The following TANC2 variants were observed in gnomAD, a reference collection of about 807,000 sequenced individuals.
TANC2 encodes tetratricopeptide repeat, ankyrin repeat and coiled-coil containing 2.
TANC2 carries 26 observed loss-of-function variants against 210.5 expected under a neutral mutation model. That is an observed-to-expected ratio of 0.12 (90% CI 0.09 to 0.17). TANC2 has a LOEUF of 0.17. TANC2 is among the 10% of genes least tolerant of loss of function. The pLI is 1.00. For missense variants in TANC2, 2,129 were observed against 2,608.9 expected (o/e 0.82, Z 4.01); for synonymous variants, 931 against 967.1 (o/e 0.96, Z 0.69).
At chr17:62,992,954 ACT>A (rs2032940746) in intron 1 of TANC2, among the ~76,000 whole-genome samples, 1 of 152,012 alleles carries the variant, frequency 6.6e-6, no homozygotes, top group Non-Finnish European at 1.5e-5. Context: ...CCGTCTGGAG[ACT>A]CTGGGAGAGA....
intron 11 of TANC2, chr17:63,331,854 G>GTC (rs749476420): frequency 2.1e-5 from 3 of 142,090 alleles, no homozygotes; most frequent in South Asian, 1.8e-4. Flanking sequence ...GTGTGTGTGT[G>GTC]TCTGTGTGTG....
At chr17:63,017,060 A>T (rs2034140767) in intron 2 of TANC2, among the ~76,000 whole-genome samples, 1 of 152,170 alleles carries the variant, frequency 6.6e-6, no homozygotes, top group Admixed American at 6.5e-5. Flanking sequence ...TTATGGTTTT[A>T]ACTCTTACAT....
chr17:63,133,212 T>C (rs925400448), intron 4 of TANC2, among the ~76,000 whole-genome samples: 3 of 151,902 alleles, frequency 2.0e-5, no homozygotes, highest in Non-Finnish European at 4.4e-5. Flanking sequence ...GATCTTGTGA[T>C]CCACCCGCCT....
chr17:63,366,198 A>G (rs2047105368), intron 14 of TANC2, among the ~76,000 whole-genome samples: 1 of 152,196 alleles, frequency 6.6e-6, no homozygotes, highest in Non-Finnish European at 1.5e-5. Flanking sequence ...ACCTCCTGCC[A>G]TGCCTCGGGA....
chr17:63,312,749 A>C (rs2045171220), intron 9 of TANC2, among the ~76,000 whole-genome samples: 1 of 152,186 alleles, frequency 6.6e-6, no homozygotes, highest in Non-Finnish European at 1.5e-5. Context: ...AATAAATACA[A>C]GAGTAAATTT....
At chr17:63,109,602 ATAG>A (rs936566192) in intron 4 of TANC2, among the ~76,000 whole-genome samples, 3 of 151,714 alleles carry the variant, frequency 2.0e-5, no homozygotes, top group Non-Finnish European at 4.4e-5. Flanking sequence ...AATTATAATA[ATAG>A]TAGTAGTAAT....
At chr17:63,347,430 T>A (rs948537566) in intron 12 of TANC2, among the ~76,000 whole-genome samples, 2 of 152,226 alleles carry the variant, frequency 1.3e-5, no homozygotes, top group African/African-American at 4.8e-5. Flanking sequence ...TACATATAGC[T>A]GTCAAAACTT....
chr17:62,971,122 A>G (rs1388069799), intron 1 of TANC2, among the ~76,000 whole-genome samples: 2 of 152,140 alleles, frequency 1.3e-5, no homozygotes, highest in Non-Finnish European at 2.9e-5. Context: ...GGTTTCTTTG[A>G]ATAGCGTCTT....
chr17:63,067,498 T>A (rs1432146217), intron 2 of TANC2, among the ~76,000 whole-genome samples: 2 of 151,522 alleles, frequency 1.3e-5, no homozygotes, highest in Non-Finnish European at 2.9e-5. Flanking sequence ...TTATTAAAAA[T>A]AATAATAAAT....
chr17:63,160,647 T>C (rs995085853), intron 5 of TANC2, among the ~76,000 whole-genome samples: 2 of 152,228 alleles, frequency 1.3e-5, no homozygotes, highest in African/African-American at 4.8e-5. Flanking sequence ...ATATCTACCG[T>C]TATTTCCTTA....
intron 4 of TANC2, among the ~76,000 whole-genome samples, chr17:63,123,683 C>CTTTTT (rs957485298): frequency 3.5e-4 from 33 of 93,872 alleles, no homozygotes; most frequent in Admixed American, 4.8e-4. Flanking sequence ...TAGGTAAAAT[C>CTTTTT]TTTTTTTTTT....
intron 5 of TANC2, among the ~76,000 whole-genome samples, chr17:63,157,918 A>G (rs183048328): frequency 2.0e-5 from 3 of 152,208 alleles, no homozygotes; most frequent in Admixed American, 2.0e-4. Context: ...CTGGCCTCAT[A>G]ATGTTTTATG....
At chr17:63,126,170 GGA>G (rs2038699581) in intron 4 of TANC2, among the ~76,000 whole-genome samples, 1 of 152,158 alleles carries the variant, frequency 6.6e-6, no homozygotes, top group East Asian at 1.9e-4. Flanking sequence ...TCCCTAAAAG[GGA>G]GAGAGAGTAT....
rs116784661 is a variant in TANC2 at position 63,145,574 on chromosome 17, G to T, written c.323-5696G>T. On this transcript the variant is annotated intron_variant, in intron 4 of 27. Coordinates refer to ENST00000689528, the Ensembl canonical transcript of TANC2. ...TATTTTTAGGTCTTTGATCCATTTT[G>T]AGTTAATTTTTTATATGACGTAAGA... 8.5e-3 allele frequency among the ~76,000 whole-genome samples: 1,297 copies of T among 152,036 alleles called. 16 individuals carry two copies. Among genetic ancestry groups the T allele is most frequent in the African/African-American group, 0.029 (1,188 of 41,488 alleles).
chr17:62,997,838 C>T (rs943887593), intron 1 of TANC2, among the ~76,000 whole-genome samples: 2 of 151,928 alleles, frequency 1.3e-5, no homozygotes, highest in African/African-American at 4.8e-5. Flanking sequence ...AGCCAATCCA[C>T]CACAAAACCA....
At chr17:63,175,533 CAAAAAAAAAAA>C (rs57220783) in intron 5 of TANC2, among the ~76,000 whole-genome samples, 3 of 103,400 alleles carry the variant, frequency 2.9e-5, no homozygotes, top group Admixed American at 1.1e-4. Flanking sequence ...TCTCCCCCGC[CAAAAAAAAAAA>C]AAAAAAAAAA....
intron 2 of TANC2, among the ~76,000 whole-genome samples, chr17:63,041,126 A>C (rs182428723): frequency 7.9e-5 from 12 of 152,266 alleles, no homozygotes; most frequent in African/African-American, 2.4e-4. Context: ...TAGTACTCAT[A>C]TTGTATATTT....
intron 14 of TANC2, among the ~76,000 whole-genome samples, chr17:63,375,086 A>G (rs1252824004): frequency 6.6e-6 from 1 of 152,194 alleles, no homozygotes; most frequent in Non-Finnish European, 1.5e-5. Context: ...GGAGGTGGAG[A>G]GATCCAGCAG....
intron 4 of TANC2, among the ~76,000 whole-genome samples, chr17:63,136,721 A>G (rs369413668): frequency 2.0e-5 from 3 of 152,184 alleles, no homozygotes; most frequent in South Asian, 2.1e-4. Flanking sequence ...ACCAGAAACA[A>G]CTGTTTTCAG....
Sources: gnomAD v4.1 joint callset for allele counts (sites outside exome capture counted in the v4.1 genomes callset) on GRCh38, gnomAD v4.1.1 for gene constraint, MANE v1.5 for transcripts, NCBI Gene and HGNC (gene_info 2026-07-23, HGNC 2026-07-21) for gene names.